Variants in METAP1D observed in about 807,000 individuals in gnomAD.
METAP1D encodes the protein methionine aminopeptidase 1D, mitochondrial.
A neutral mutation model predicts 40.5 loss-of-function variants in METAP1D; 31 were observed. That is an observed-to-expected ratio of 0.77 (90% CI 0.58 to 1.03). METAP1D has a LOEUF of 1.03. METAP1D is among the 50% of genes least tolerant of loss of function. METAP1D has a pLI of 0.00. For synonymous variants in METAP1D, 151 were observed against 146.4 expected (o/e 1.03, Z -0.22); for missense variants, 411 against 420.7 (o/e 0.98, Z 0.20).
At chr2:172,021,019 A>T (rs1048554420) in intron 1 of METAP1D, among the ~76,000 whole-genome samples, 1 of 152,046 alleles carries the variant, frequency 6.6e-6, no homozygotes, top group East Asian at 1.9e-4. Context: ...AATTTTTTTT[A>T]CTACTATTAA....
rs1690038073 is a variant in METAP1D, at chr2:172,057,941, T to TA, written c.41-3557_41-3556insA. Among the ~76,000 whole-genome samples the TA allele has an allele frequency of 3.9e-5, 6 of 152,190 alleles. No homozygotes were observed. The South Asian group carries it at 1.0e-3, about 26-fold the overall frequency. ...ATTTTATTTTTTGTGCAGACTTTTTTTTTTTTTTTGAGACAGGATCTTACT... is the reference window on the plus strand; with the variant it reads ...ATTTTATTTTTTGTGCAGACTTTTTTATTTTTTTTTGAGACAGGATCTTACT... On this transcript the variant is annotated intron_variant, in intron 1 of 9. Coordinates refer to ENST00000315796, the MANE Select transcript of METAP1D (RefSeq NM_199227.3).
chr2:172,056,951 A>G (rs531464838), intron 1 of METAP1D, among the ~76,000 whole-genome samples: 15 of 151,698 alleles, frequency 9.9e-5, no homozygotes, highest in African/African-American at 3.1e-4. Context: ...GTTACATGAT[A>G]TTTACATTTT....
intron 1 of METAP1D, among the ~76,000 whole-genome samples, chr2:172,018,066 GT>G (rs1245404162): frequency 7.1e-6 from 1 of 140,312 alleles, no homozygotes; most frequent in Non-Finnish European, 1.5e-5. Flanking sequence ...GCAGGAGGTT[GT>G]AGTGAGCTGA....
intron 3 of METAP1D, 36 bp downstream of exon 3, chr2:172,063,896 A>G (rs750016200): frequency 1.4e-5 from 21 of 1,540,460 alleles, no homozygotes; most frequent in Admixed American, 2.2e-5. Flanking sequence ...GACTTACATA[A>G]GGGGCAACAA....
chr2:172,045,687 T>G (rs1689723120), intron 1 of METAP1D, among the ~76,000 whole-genome samples: 5 of 95,726 alleles, frequency 5.2e-5, no homozygotes, highest in South Asian at 3.7e-4. Context: ...AAAAAAAGGA[T>G]CATTCATATA....
At position 172,063,699 on chromosome 2, in the gene METAP1D, T is replaced by A. The variant is rs1391433969; in HGVS notation, c.199-12T>A. The A allele has an allele frequency of 6.2e-7, 1 of 1,601,360 alleles. No homozygotes were observed. The highest frequency in any genetic ancestry group is 1.1e-5 in the South Asian group (1 of 90,484). On this transcript the variant is annotated splice_polypyrimidine_tract_variant and intron_variant, in intron 2 of 9. Transcript: ENST00000315796. ...GGGTTCTGATCTTCGTTTTCAATCC[T>A]TTTTCCTCAAGCACATAAAGAAGCC... is the stretch of plus-strand genomic sequence containing the variant.
chr2:171,999,992 A>G lies in METAP1D; in HGVS notation c.23A>G (p.His8Arg), dbSNP rs1688418986. 2 of 1,344,706 alleles carry G rather than the reference A, an allele frequency of 1.5e-6. No homozygotes were observed. The highest frequency in any genetic ancestry group is 3.9e-5 in the Admixed American group (1 of 25,882). The allele number at this position is 1,344,706 out of a possible 1,614,324, so 83.3% of individuals were successfully genotyped here. The part of the protein sequence containing the change: MAAPSGV[H>R]LLVRRGSHRI... ...AACATGGCGGCGCCCAGTGGCGTCC[A>G]CCTGCTCGTCCGCAGAGGTAAGCGC... The change falls in exon 1 of 10, where the codon CAC (histidine) becomes CGC (arginine). Residue 8 changes from histidine to arginine, a missense_variant. His to Arg is a conservative substitution (Grantham distance 29). Transcript: ENST00000315796.
rs192811572 is a variant in METAP1D at position 172,063,184 on chromosome 2, G to T, written c.199-527G>T. Among the ~76,000 whole-genome samples the T allele has an allele frequency of 5.3e-5, 8 of 152,300 alleles. No individual in the cohort carries two copies. In the East Asian group the frequency reaches 1.5e-3, roughly 29 times the overall value. ...TTTCATTTTATTCTAGTGTCTCAGT[G>T]TAAGTACGGTTGCAAAATGTAAGAA... is the stretch of plus-strand genomic sequence containing the variant. On this transcript the variant is annotated intron_variant, in intron 2 of 9. Transcript: ENST00000315796.
chr2:172,001,917 T>C (rs1688473032), intron 1 of METAP1D, among the ~76,000 whole-genome samples: 1 of 151,992 alleles, frequency 6.6e-6, no homozygotes, highest in African/African-American at 2.4e-5. Flanking sequence ...GCCAACATGG[T>C]GAAACCTGTC....
intron 1 of METAP1D, among the ~76,000 whole-genome samples, chr2:172,035,154 TTTTG>T (rs1553492540): frequency 1.0e-3 from 152 of 150,190 alleles, no homozygotes; most frequent in South Asian, 6.3e-3. Context: ...TGTGTTTTTT[TTTTG>T]TTTGTTTGTT....
At chr2:172,015,082 T>C (rs1325302664) in intron 1 of METAP1D, among the ~76,000 whole-genome samples, 1 of 152,222 alleles carries the variant, frequency 6.6e-6, no homozygotes, top group Non-Finnish European at 1.5e-5. Context: ...ACAATTTTTA[T>C]AAAATAGCCA....
At chr2:172,020,601 A>G (rs1688984497) in intron 1 of METAP1D, among the ~76,000 whole-genome samples, 1 of 152,160 alleles carries the variant, frequency 6.6e-6, no homozygotes, top group African/African-American at 2.4e-5. Flanking sequence ...ACACTGTTCT[A>G]GTCATTGGGA....
chr2:172,016,294 AAAAAAAATATATATAT>A (rs1283186134), intron 1 of METAP1D, among the ~76,000 whole-genome samples: 2 of 71,994 alleles, frequency 2.8e-5, no homozygotes, highest in African/African-American at 8.3e-5. Flanking sequence ...AAAAAAAAAA[AAAAAAAATATATATAT>A]ATATATATAT....
chr2:172,012,763 A>T (rs1027964212), intron 1 of METAP1D, among the ~76,000 whole-genome samples: 1 of 152,210 alleles, frequency 6.6e-6, no homozygotes, highest in Non-Finnish European at 1.5e-5. Flanking sequence ...AATGAGATTC[A>T]TACTGCTTAT....
chr2:172,018,099 C>G (rs1367176465), intron 1 of METAP1D, among the ~76,000 whole-genome samples: 2 of 136,578 alleles, frequency 1.5e-5, no homozygotes, highest in African/African-American at 5.5e-5. Context: ...TGCACTCCAG[C>G]CTGGGTGACA....
rs1553493428 is a variant in METAP1D at position 172,041,726 on chromosome 2, T to TTATTTATATATATATA, written c.41-19769_41-19768insTTATATATATATATAT. The stretch of plus-strand genomic sequence containing the variant: ...TTTTAATTTCCTTACTCTAATTATT[T>TTATTTATATATATATA]TATATATATATATATATATATATAT... On this transcript the variant is annotated intron_variant, in intron 1 of 9. Coordinates refer to ENST00000315796, the MANE Select transcript of METAP1D (RefSeq NM_199227.3). 8.0e-5 allele frequency among the ~76,000 whole-genome samples: 3 copies of TTATTTATATATATATA among 37,560 alleles called. 1 individual carries two copies. The highest frequency in any genetic ancestry group is 1.3e-4 in the Non-Finnish European group (2 of 15,594). 24.6% of individuals were successfully genotyped at this position (37,560 alleles called of 152,430 possible). A position where few individuals can be genotyped will look rare whatever the true frequency, so the allele number is the denominator to read the frequency against.
intron 1 of METAP1D, among the ~76,000 whole-genome samples, chr2:172,031,674 C>A (rs1689244863): frequency 6.6e-6 from 1 of 152,074 alleles, no homozygotes. Context: ...GGGTTTTTGG[C>A]AAGAATACAA....
intron 1 of METAP1D, among the ~76,000 whole-genome samples, chr2:172,022,451 C>T (rs1193428077): frequency 6.6e-6 from 1 of 152,100 alleles, no homozygotes; most frequent in Non-Finnish European, 1.5e-5. Context: ...ATTTGTTTGA[C>T]ATCTTGTGAT....
At chr2:172,018,108 CAGAGTGAGA>C (rs1688920290) in intron 1 of METAP1D, among the ~76,000 whole-genome samples, 1 of 106,928 alleles carries the variant, frequency 9.4e-6, no homozygotes, top group South Asian at 3.3e-4. Flanking sequence ...GCCTGGGTGA[CAGAGTGAGA>C]CTCTGTCTCA....
Sources: gnomAD v4.1 joint callset for allele counts (sites outside exome capture counted in the v4.1 genomes callset) on GRCh38, gnomAD v4.1.1 for gene constraint, MANE v1.5 for transcripts, NCBI Gene and HGNC (gene_info 2026-07-23, HGNC 2026-07-21) for gene names.